Variants in RAPGEF2 observed in about 807,000 individuals in gnomAD.
RAPGEF2 encodes PDZ domain containing guanine nucleotide exchange factor (GEF) 1.
Under a neutral mutation model 186.7 loss-of-function variants are expected in RAPGEF2, and 54 were observed. The observed-to-expected ratio is 0.29, with a 90% confidence interval of 0.23 to 0.36. The LOEUF is 0.36. RAPGEF2 is among the 10% of genes least tolerant of loss of function. The pLI is 1.00. For synonymous variants in RAPGEF2, 712 were observed against 705.9 expected, an observed-to-expected ratio of 1.01 and a Z score of -0.14; for missense variants, 1,532 against 2,045.0, an observed-to-expected ratio of 0.75 and a Z score of 4.84.
At chr4:159,121,237 T>G (rs1739646126) in intron 1 of RAPGEF2, among the ~76,000 whole-genome samples, 1 of 152,158 alleles carries the variant, frequency 6.6e-6, no homozygotes, top group Non-Finnish European at 1.5e-5. Flanking sequence ...TCCTGAGAGT[T>G]TTAGACTTGG....
intron 9 of RAPGEF2, 75 bp downstream of exon 9, chr4:159,314,843 C>A: frequency 7.5e-7 from 1 of 1,327,634 alleles, no homozygotes; most frequent in Non-Finnish European, 1.0e-6. Context: ...TGAAATAGAG[C>A]CCAAGACTAG....
At chr4:159,174,877 T>C (rs1746300214) in intron 1 of RAPGEF2, among the ~76,000 whole-genome samples, 1 of 151,964 alleles carries the variant, frequency 6.6e-6, no homozygotes, top group African/African-American at 2.4e-5. Flanking sequence ...CTACCTCAGC[T>C]TCTCCAGTAA....
chr4:159,260,399 G>C (rs1756682391), intron 7 of RAPGEF2, among the ~76,000 whole-genome samples: 2 of 151,804 alleles, frequency 1.3e-5, no homozygotes, highest in African/African-American at 4.8e-5. Flanking sequence ...TCCCCAAACA[G>C]TTTTGTTTCC....
At chr4:159,285,670 T>C (rs1328395364) in intron 7 of RAPGEF2, among the ~76,000 whole-genome samples, 1 of 152,226 alleles carries the variant, frequency 6.6e-6, no homozygotes, top group Non-Finnish European at 1.5e-5. Context: ...TGTAACTATT[T>C]TAAGTAAGGC....
In RAPGEF2 at chr4:159,174,756, C is replaced by T. The variant is rs887866575; in HGVS notation, c.70-11886C>T. On this transcript the variant is annotated intron_variant, in intron 1 of 29. Coordinates refer to ENST00000691494, the MANE Select transcript of RAPGEF2 (RefSeq NM_001394067.2). ...CATTCTTCATACATGTCTTTTCTTT[C>T]TTTCTTTTTTTTTTTTTTGAGATAG... Among the ~76,000 whole-genome samples, 295 of 112,536 alleles carry T rather than the reference C, an allele frequency of 2.6e-3. 1 individual carries two copies. The highest frequency in any genetic ancestry group is 0.012 in the African/African-American group (272 of 21,886). The allele number at this position is 112,536 out of a possible 152,430, so 73.8% of individuals were successfully genotyped here.
At chr4:159,267,218 A>C (rs956933109) in intron 7 of RAPGEF2, 1 of 1,288,962 alleles carries the variant, frequency 7.8e-7, no homozygotes, top group African/African-American at 1.5e-5. Flanking sequence ...TCCTAAGAGG[A>C]ATTTTTTATT....
At chr4:159,236,188 T>C (rs1410077140) in intron 4 of RAPGEF2, among the ~76,000 whole-genome samples, 1 of 152,262 alleles carries the variant, frequency 6.6e-6, no homozygotes, top group African/African-American at 2.4e-5. Context: ...TGACGGTTTA[T>C]GGAACTCGAG....
chr4:159,175,926 T>C (rs1025013882), intron 1 of RAPGEF2, among the ~76,000 whole-genome samples: 2 of 152,194 alleles, frequency 1.3e-5, no homozygotes, highest in African/African-American at 4.8e-5. Context: ...GATGCAGAGC[T>C]GAGAAAGAGA....
At chr4:159,340,667 C>CCCCACACA (rs1554040735) in intron 19 of RAPGEF2, among the ~76,000 whole-genome samples, 2 of 76,846 alleles carry the variant, frequency 2.6e-5, no homozygotes, top group Non-Finnish European at 5.2e-5. Context: ...ACCACCATCA[C>CCCCACACA]CACACACACA....
chr4:159,340,704 C>CACGTGTGCGTGCAACAA (rs1729302492), intron 19 of RAPGEF2, among the ~76,000 whole-genome samples: 1 of 146,430 alleles, frequency 6.8e-6, no homozygotes, highest in African/African-American at 2.6e-5. Context: ...CACACACACA[C>CACGTGTGCGTGCAACAA]ACATTTATGG....
chr4:159,199,178 T>C (rs1749138043), intron 3 of RAPGEF2, among the ~76,000 whole-genome samples: 2 of 152,134 alleles, frequency 1.3e-5, no homozygotes, highest in Admixed American at 1.3e-4. Context: ...ACCTCGCCTG[T>C]ATGTAAGTAT....
At chr4:159,286,030 AACCACCACCACCACC>A (rs35426817) in intron 7 of RAPGEF2, among the ~76,000 whole-genome samples, 5,388 of 89,282 alleles carry the variant, frequency 0.06, 484 homozygotes, top group African/African-American at 0.18. Flanking sequence ...TGTTCCCCCC[AACCACCACCACCACC>A]ACCACCACCA....
chr4:159,332,648 A>G lies in RAPGEF2; in HGVS notation c.2086A>G (p.Lys696Glu). 1.2e-6 allele frequency: 2 copies of G among 1,614,166 alleles called. No individual in the cohort carries two copies. The highest frequency in any genetic ancestry group is 1.7e-5 in the Admixed American group (1 of 60,028). ...NTVGGRNKLK[K>E]ILDKTRISIL... ...TGTGGGAGGAAGGAACAAGCTGAAA[A>G]AGATACTCGACAAGACTCGGATCAG... Residue 696 changes from lysine to glutamate, a missense_variant, in exon 17 of 30, where the codon AAG becomes GAG. Physicochemically the swap from Lys to Glu is moderately conservative, Grantham distance 56. Around this residue, in one of 4 missense-constraint regions of RAPGEF2, gnomAD observed 810 missense variants for 1,210.5 expected, o/e 0.67. Coordinates refer to ENST00000691494, the MANE Select transcript of RAPGEF2 (RefSeq NM_001394067.2).
rs1226857842 is a variant in RAPGEF2 at position 159,352,844 on chromosome 4, A to C, written c.4025A>C (p.Glu1342Ala). ...CAGAGGCATTCTGTCAGCATCGTGGAAACAAACCTAGGGATGGGCAGGATG... is the reference window on the plus strand; with the variant it reads ...CAGAGGCATTCTGTCAGCATCGTGGCAACAAACCTAGGGATGGGCAGGATG... ...RRQRHSVSIV[E>A]TNLGMGRMER... Residue 1342 changes from glutamate (E) to alanine (A), a missense_variant, in exon 27 of 30, where the codon GAA becomes GCA. Coordinates refer to ENST00000691494, the MANE Select transcript of RAPGEF2 (RefSeq NM_001394067.2). 6 of 1,614,102 alleles carry C rather than the reference A, an allele frequency of 3.7e-6. No individual in the cohort carries two copies.
chr4:159,168,746 A>G lies in RAPGEF2; in HGVS notation c.70-17896A>G, dbSNP rs189321394. 3.2e-4 allele frequency among the ~76,000 whole-genome samples: 49 copies of G among 152,322 alleles called. No homozygotes were observed. In the East Asian group the frequency reaches 9.3e-3, roughly 29 times the overall value. ...TCATTATGCGTAGGAGGTACTCAGT[A>G]ACAGTTTTCCAATGGAAAGAATGAG... On this transcript the variant is annotated intron_variant, in intron 1 of 29. Coordinates refer to ENST00000691494, the MANE Select transcript of RAPGEF2 (RefSeq NM_001394067.2).
At chr4:159,344,116 G>A in intron 23 of RAPGEF2, 57 bp downstream of exon 23, 16 of 1,500,706 alleles carry the variant, frequency 1.1e-5, no homozygotes, top group Non-Finnish European at 1.5e-5. Context: ...TCATTGCATT[G>A]TTTTCTTACC....
intron 4 of RAPGEF2, among the ~76,000 whole-genome samples, chr4:159,216,492 A>G (rs1751004805): frequency 6.6e-6 from 1 of 152,128 alleles, no homozygotes; most frequent in African/African-American, 2.4e-5. Context: ...AACATGAGTG[A>G]TGGCACAGAG....
chr4:159,232,152 A>G (rs1323812937), intron 4 of RAPGEF2, among the ~76,000 whole-genome samples: 1 of 152,166 alleles, frequency 6.6e-6, no homozygotes, highest in Non-Finnish European at 1.5e-5. Flanking sequence ...ACTAGTTTTA[A>G]ATGTATGGTT....
intron 7 of RAPGEF2, among the ~76,000 whole-genome samples, chr4:159,301,145 G>A (rs1317031435): frequency 6.6e-6 from 1 of 152,144 alleles, no homozygotes; most frequent in African/African-American, 2.4e-5. Context: ...GGCCAAGGCG[G>A]GTGGATCACT....
Sources: allele counts gnomAD v4.1 joint callset (sites outside exome capture counted in the v4.1 genomes callset), GRCh38; gene constraint gnomAD v4.1.1; regional missense constraint gnomAD v4.1.1; transcripts MANE v1.5; gene names NCBI Gene and HGNC (gene_info 2026-07-23, HGNC 2026-07-21).